DNM1L: variants seen among roughly 807,000 people sequenced by gnomAD.
The protein encoded by DNM1L is dynamin 1L.
DNM1L carries 33 observed loss-of-function variants against 92.8 expected under a neutral mutation model. The ratio of observed to expected loss-of-function variants is 0.36; its 90% confidence interval spans 0.27 to 0.48. DNM1L has a LOEUF of 0.48. Ranked by LOEUF, DNM1L falls within the 20% of genes least tolerant of loss-of-function variation. DNM1L has a pLI of 0.99. For missense variants in DNM1L, 485 were observed against 888.8 expected, an observed-to-expected ratio of 0.55 and a Z score of 5.78; for synonymous variants, 284 against 305.0, an observed-to-expected ratio of 0.93 and a Z score of 0.72.
chr12:32,711,022 A>C lies in DNM1L; in HGVS notation c.456+7A>C. ...TTTGCCAGGAATGACCAAGGTAAGG[A>C]AGGAATAGTTGTAGATTTGGTCAGG... is the stretch of plus-strand genomic sequence containing the variant. On this transcript the variant is annotated splice_region_variant and intron_variant, in intron 5 of 19. Transcript: ENST00000549701. 1 of 1,612,946 alleles carries C rather than the reference A, an allele frequency of 6.2e-7. No individual in the cohort carries two copies. The highest frequency in any genetic ancestry group is 2.2e-5 in the East Asian group (1 of 44,828).
chr12:32,701,690 G>A, intron 2 of DNM1L, 128 bp downstream of exon 2: 1 of 832,552 alleles, frequency 1.2e-6, no homozygotes, highest in Non-Finnish European at 1.9e-6. Flanking sequence ...GTGAGAAGTA[G>A]TATGCATCTT....
intron 4 of DNM1L, among the ~76,000 whole-genome samples, chr12:32,708,888 T>C (rs1316577670): frequency 2.0e-5 from 3 of 152,140 alleles, no homozygotes; most frequent in Non-Finnish European, 4.4e-5. Flanking sequence ...TCAAGAGATA[T>C]ATATTATCTC....
At chr12:32,728,300 GT>G (rs1197610715) in intron 9 of DNM1L, 1 of 152,150 alleles carries the variant, frequency 6.6e-6, no homozygotes, top group Non-Finnish European at 1.5e-5. Flanking sequence ...CGTAAAGAGA[GT>G]ATTTATCAGA....
At position 32,744,752 on chromosome 12, in the gene DNM1L, T is replaced by C. The variant is rs1313018797; in HGVS notation, c.*1342T>C. 1 of 404,300 alleles carries C rather than the reference T, an allele frequency of 2.5e-6. No individual in the cohort carries two copies. 25.0% of individuals were successfully genotyped at this position (404,300 alleles called of 1,614,324 possible). On this transcript the variant is annotated 3_prime_UTR_variant, in exon 20 of 20. Coordinates refer to ENST00000549701, the MANE Select transcript of DNM1L (RefSeq NM_012062.5). ...AAAACAACACCCAGATAGATACACA[T>C]ACTCCTTCAGACTTACAGACCTAAG...
intron 9 of DNM1L, among the ~76,000 whole-genome samples, chr12:32,726,001 G>T (rs1283631043): frequency 6.6e-6 from 1 of 150,814 alleles, no homozygotes; most frequent in African/African-American, 2.4e-5. Context: ...AATCCAAGCA[G>T]ACTTAACCCT....
intron 1 of DNM1L, 27 bp downstream of exon 1, chr12:32,679,492 G>C (rs766295842): frequency 6.3e-6 from 10 of 1,593,330 alleles, no homozygotes; most frequent in South Asian, 2.2e-5. Flanking sequence ...GCGTTCGCTC[G>C]GGCCAGACCC....
At chr12:32,697,294 C>T (rs1344178458) in intron 1 of DNM1L, among the ~76,000 whole-genome samples, 3 of 152,078 alleles carry the variant, frequency 2.0e-5, no homozygotes, top group South Asian at 2.1e-4. Context: ...CCCATTAGCC[C>T]TTCCTGGGGA....
At chr12:32,689,351 C>A (rs1266895315) in intron 1 of DNM1L, among the ~76,000 whole-genome samples, 1 of 152,110 alleles carries the variant, frequency 6.6e-6, no homozygotes, top group Non-Finnish European at 1.5e-5. Context: ...GCATGCGCCA[C>A]CACGCCTGGC....
At chr12:32,738,827 G>A (rs779860564) in intron 16 of DNM1L, among the ~76,000 whole-genome samples, 1 of 151,974 alleles carries the variant, frequency 6.6e-6, no homozygotes, top group Non-Finnish European at 1.5e-5. Flanking sequence ...CAGACTCATC[G>A]CTATTTCAAG....
intron 9 of DNM1L, chr12:32,725,241 C>A (rs750521971): frequency 5.3e-5 from 8 of 152,254 alleles, no homozygotes; most frequent in Middle Eastern, 3.4e-3. Context: ...CTTGTAAGAA[C>A]TAAAATTGTA....
chr12:32,727,436 C>T, intron 9 of DNM1L: 1 of 710,002 alleles, frequency 1.4e-6, no homozygotes, highest in South Asian at 1.5e-5. Flanking sequence ...GCTGTGCAGG[C>T]AGTGACTCAG....
At chr12:32,727,458 T>C in intron 9 of DNM1L, 1 of 653,202 alleles carries the variant, frequency 1.5e-6, no homozygotes, top group Non-Finnish European at 2.8e-6. Context: ...GCAGCAGTGG[T>C]GGTGGGGAGG....
rs531799797 is a variant in DNM1L at position 32,716,159 on chromosome 12, C to A, written c.620-2484C>A. On this transcript the variant is annotated intron_variant, in intron 6 of 19. Coordinates refer to ENST00000549701, the MANE Select transcript of DNM1L (RefSeq NM_012062.5). ...CCAGACTCAAAAGGTTATGTACTAT[C>A]TGATTTCGTTTATATAACACTCTAG... 1.4e-4 allele frequency among the ~76,000 whole-genome samples: 21 copies of A among 151,470 alleles called. No individual in the cohort carries two copies. In the East Asian group the frequency reaches 4.1e-3, roughly 29 times the overall value.
At chr12:32,719,132 G>C (rs573483247) in intron 7 of DNM1L, among the ~76,000 whole-genome samples, 4 of 151,902 alleles carry the variant, frequency 2.6e-5, no homozygotes, top group Non-Finnish European at 5.9e-5. Flanking sequence ...AAATTTTTTT[G>C]TAGTGACAAG....
At chr12:32,724,784 A>T (rs1240297649) in intron 9 of DNM1L, among the ~76,000 whole-genome samples, 3 of 150,834 alleles carry the variant, frequency 2.0e-5, no homozygotes, top group African/African-American at 7.3e-5. Flanking sequence ...CAAAATGCTG[A>T]GTGTCAACAC....
intron 1 of DNM1L, among the ~76,000 whole-genome samples, chr12:32,693,149 G>A (rs537561797): frequency 3.9e-5 from 6 of 152,320 alleles, no homozygotes; most frequent in African/African-American, 1.4e-4. Flanking sequence ...CATCAACAGA[G>A]TGAAGTTTAT....
rs369974940 is a variant in DNM1L at position 32,740,466 on chromosome 12, G to C, written c.1942G>C (p.Glu648Gln). The change falls in exon 18 of 20, where the codon GAA becomes CAA. Residue 648 changes from glutamate to glutamine, a missense_variant. Glu to Gln is a conservative substitution (Grantham distance 29). This residue lies in a region of DNM1L where 133 missense variants were observed against 210.9 expected (regional missense o/e 0.63). Coordinates refer to ENST00000549701, the MANE Select transcript of DNM1L (RefSeq NM_012062.5). The part of the protein sequence containing the change: ...AREQRDCEVI[E>Q]RLIKSYFLIV... The stretch of plus-strand genomic sequence containing the variant: ...GGAACAGCGAGATTGTGAGGTTATT[G>C]AACGACTCATTAAATCATATTTTCT... The C allele has an allele frequency of 1.2e-5, 19 of 1,613,864 alleles. No individual in the cohort carries two copies. Among genetic ancestry groups the C allele is most frequent in the Non-Finnish European group, 1.6e-5 (19 of 1,179,960 alleles).
At chr12:32,733,241 C>T (rs1264157510) in intron 12 of DNM1L, among the ~76,000 whole-genome samples, 1 of 152,210 alleles carries the variant, frequency 6.6e-6, no homozygotes, top group African/African-American at 2.4e-5. Context: ...TAAGGCTAAT[C>T]AGTCACTACC....
rs181892474 is a variant in DNM1L at position 32,695,682 on chromosome 12, G to T, written c.103-5733G>T. ...GCTACTCGGGAGGGTGAGGTGGGAG[G>T]ATCACCTGAGCCTGGGAAGGTTGAG... is the stretch of plus-strand genomic sequence containing the variant. On this transcript the variant is annotated intron_variant, in intron 1 of 19. Transcript: ENST00000549701. Among the ~76,000 whole-genome samples the T allele has an allele frequency of 1.1e-4, 17 of 152,186 alleles. No homozygotes were observed. The East Asian group carries it at 2.9e-3, about 26-fold the overall frequency.
Sources: gnomAD v4.1 joint callset for allele counts (sites outside exome capture counted in the v4.1 genomes callset) on GRCh38, gnomAD v4.1.1 for gene constraint, gnomAD v4.1.1 regional missense constraint, MANE v1.5 for transcripts, NCBI Gene and HGNC (gene_info 2026-07-23, HGNC 2026-07-21) for gene names.